NPAS3: variants seen among roughly 807,000 people sequenced by gnomAD.
NPAS3 encodes the protein neuronal PAS domain-containing protein 3.
A neutral mutation model predicts 73.1 loss-of-function variants in NPAS3; 14 were observed. The observed-to-expected ratio is 0.19, with a 90% CI of 0.13 to 0.30. NPAS3 has a LOEUF of 0.30. NPAS3 is among the 10% of genes least tolerant of loss of function. The pLI, the probability that NPAS3 is intolerant of heterozygous loss-of-function variation, is 1.00. For synonymous variants in NPAS3, 620 were observed against 541.5 expected (o/e 1.14, Z -2.01); for missense variants, 1,096 against 1,250.0 (o/e 0.88, Z 1.86).
chr14:33,445,849 C>A (rs2049462315), intron 4 of NPAS3, among the ~76,000 whole-genome samples: 1 of 152,156 alleles, frequency 6.6e-6, no homozygotes, highest in African/African-American at 2.4e-5. Flanking sequence ...CCAGCTGACC[C>A]ACCAACCTTC....
chr14:33,086,882 T>C (rs1482336030), intron 2 of NPAS3, among the ~76,000 whole-genome samples: 2 of 151,934 alleles, frequency 1.3e-5, no homozygotes, highest in Non-Finnish European at 2.9e-5. Flanking sequence ...TCTCCATGCA[T>C]TGCACAAGAT....
In NPAS3 at chr14:33,540,986, C is replaced by G. The variant is rs181582150; in HGVS notation, c.469-19135C>G. Among the ~76,000 whole-genome samples, 4 of 152,046 alleles carry G rather than the reference C, an allele frequency of 2.6e-5. No individual in the cohort carries two copies. The East Asian group carries it at 7.8e-4, about 30-fold the overall frequency. ...CTCTTGTTTAATGCGTTTTCCCCCC[C>G]AAGTCAGGATTTCTTCTTTACTTTA... is the stretch of plus-strand genomic sequence containing the variant. On this transcript the variant is annotated intron_variant, in intron 4 of 11. Coordinates refer to ENST00000356141, the Ensembl canonical transcript of NPAS3.
At chr14:33,183,879 A>G (rs548828062) in intron 2 of NPAS3, among the ~76,000 whole-genome samples, 3 of 152,214 alleles carry the variant, frequency 2.0e-5, no homozygotes, top group East Asian at 3.9e-4. Context: ...ATAAATTGCC[A>G]TACTGCTTAA....
chr14:33,528,886 C>T (rs767549612), intron 4 of NPAS3, among the ~76,000 whole-genome samples: 1 of 152,100 alleles, frequency 6.6e-6, no homozygotes, highest in Non-Finnish European at 1.5e-5. Flanking sequence ...TCACAGCAGC[C>T]TTGTGAAGGG....
intron 3 of NPAS3, among the ~76,000 whole-genome samples, chr14:33,296,356 G>A (rs35293879): frequency 0.37 from 56,792 of 151,996 alleles, 10,872 homozygotes; most frequent in African/African-American, 0.43. Context: ...ACACATACAC[G>A]GCCACCTTAC....
intron 2 of NPAS3, among the ~76,000 whole-genome samples, chr14:33,073,957 G>T (rs1219458988): frequency 6.6e-6 from 1 of 152,186 alleles, no homozygotes; most frequent in Admixed American, 6.5e-5. Context: ...TGAACATGGG[G>T]TGGGGTAGAG....
At chr14:33,213,252 A>C (rs1009495726) in intron 2 of NPAS3, among the ~76,000 whole-genome samples, 7 of 151,816 alleles carry the variant, frequency 4.6e-5, no homozygotes, top group Admixed American at 4.6e-4. Flanking sequence ...AAAAAATTGT[A>C]AGTTTAGCCC....
intron 2 of NPAS3, among the ~76,000 whole-genome samples, chr14:33,169,730 A>G (rs918394746): frequency 5.3e-5 from 8 of 152,362 alleles, no homozygotes; most frequent in African/African-American, 1.9e-4. Context: ...GAGTACAGAA[A>G]GGCTGCCAGG....
At chr14:33,169,001 T>G (rs931913051) in intron 2 of NPAS3, among the ~76,000 whole-genome samples, 1 of 152,228 alleles carries the variant, frequency 6.6e-6, no homozygotes, top group Non-Finnish European at 1.5e-5. Context: ...AAGTGAAGTA[T>G]AATAATACTT....
rs1445514153 is a variant in NPAS3 at position 33,544,834 on chromosome 14, TA to T, written c.469-15286del. Reference sequence around the variant, plus strand: ...TATGTATATATAATATATATGTGTATATATATATTATATATATGTGTATATA... The same window carrying T: ...TATGTATATATAATATATATGTGTATTATATATTATATATATGTGTATATA... On this transcript the variant is annotated intron_variant, in intron 4 of 11. Transcript: ENST00000356141. 2.3e-5 allele frequency among the ~76,000 whole-genome samples: 3 copies of T among 129,546 alleles called. 1 individual carries two copies. Among genetic ancestry groups the T allele is most frequent in the East Asian group, 2.1e-4 (1 of 4,754 alleles). 85.0% of individuals were successfully genotyped at this position (129,546 alleles called of 152,430 possible). A position where few individuals can be genotyped will look rare whatever the true frequency, so the allele number is the denominator to read the frequency against.
chr14:33,260,387 G>A (rs544010272), intron 3 of NPAS3, among the ~76,000 whole-genome samples: 6 of 149,792 alleles, frequency 4.0e-5, no homozygotes, highest in South Asian at 2.1e-4. Flanking sequence ...GTTCACTTTC[G>A]CTCCTGTCAT....
chr14:33,378,493 G>A (rs2046398769), intron 4 of NPAS3, among the ~76,000 whole-genome samples: 1 of 152,116 alleles, frequency 6.6e-6, no homozygotes, highest in Non-Finnish European at 1.5e-5. Flanking sequence ...AAAATTAGCT[G>A]GGTATGGTGG....
intron 4 of NPAS3, among the ~76,000 whole-genome samples, chr14:33,471,540 G>A (rs1408021982): frequency 2.0e-5 from 3 of 152,148 alleles, no homozygotes; most frequent in Non-Finnish European, 4.4e-5. Flanking sequence ...CCCGGATGTG[G>A]AACATGAAGG....
chr14:33,683,719 G>A (rs1389445578), intron 6 of NPAS3, among the ~76,000 whole-genome samples: 2 of 152,186 alleles, frequency 1.3e-5, no homozygotes, highest in Admixed American at 1.3e-4. Flanking sequence ...CACCCCTAGT[G>A]AGCAATTTAC....
At chr14:33,082,552 G>A (rs769379769) in intron 2 of NPAS3, among the ~76,000 whole-genome samples, 26 of 152,146 alleles carry the variant, frequency 1.7e-4, no homozygotes, top group Non-Finnish European at 3.2e-4. Context: ...ATGTTGTGAC[G>A]TTTAGAAGAC....
intron 1 of NPAS3, among the ~76,000 whole-genome samples, chr14:32,956,711 A>T (rs1300625872): frequency 2.6e-5 from 4 of 152,192 alleles, no homozygotes; most frequent in African/African-American, 9.7e-5. Context: ...ATATGTCTTG[A>T]ATACATGTTG....
At chr14:33,768,815 T>A (rs1292204061) in intron 7 of NPAS3, among the ~76,000 whole-genome samples, 1 of 152,238 alleles carries the variant, frequency 6.6e-6, no homozygotes, top group Non-Finnish European at 1.5e-5. Flanking sequence ...TTAAAGTAGA[T>A]TCTTTTTATA....
intron 4 of NPAS3, among the ~76,000 whole-genome samples, chr14:33,549,620 T>C (rs1400103479): frequency 6.6e-6 from 1 of 152,216 alleles, no homozygotes; most frequent in East Asian, 1.9e-4. Context: ...CTGTCTGATA[T>C]GATAGGTCAG....
chr14:33,151,653 A>AT (rs1394063754), intron 2 of NPAS3, among the ~76,000 whole-genome samples: 6 of 152,126 alleles, frequency 3.9e-5, no homozygotes, highest in African/African-American at 1.4e-4. Flanking sequence ...TCTTTTTGCT[A>AT]TTACAAACAA....
Sources: allele counts gnomAD v4.1 joint callset (sites outside exome capture counted in the v4.1 genomes callset), GRCh38; gene constraint gnomAD v4.1.1; transcripts MANE v1.5; gene names NCBI Gene and HGNC (gene_info 2026-07-23, HGNC 2026-07-21).